The following TRAPPC9 variants were observed in gnomAD, a reference collection of about 807,000 sequenced individuals.
TRAPPC9 encodes trafficking protein particle complex subunit 9.
Under a neutral mutation model 124.0 loss-of-function variants are expected in TRAPPC9, and 83 were observed. The observed-to-expected ratio is 0.67, with a 90% confidence interval of 0.56 to 0.80. TRAPPC9 has a LOEUF of 0.80. TRAPPC9 is among the 30% of genes least tolerant of loss of function. The pLI is 0.00. For missense variants in TRAPPC9, 1,302 were observed against 1,508.3 expected, an observed-to-expected ratio of 0.86 and a Z score of 2.27; for synonymous variants, 638 against 617.5, an observed-to-expected ratio of 1.03 and a Z score of -0.49.
At chr8:140,120,750 TCATTCATCCATC>T (rs967865146) in intron 17 of TRAPPC9, among the ~76,000 whole-genome samples, 1 of 146,282 alleles carries the variant, frequency 6.8e-6, no homozygotes, top group African/African-American at 2.6e-5. Context: ...ATCCATCCAT[TCATTCATCCATC>T]CAACATCCAT....
chr8:140,098,736 T>A (rs901827043), intron 17 of TRAPPC9: 5 of 150,818 alleles, frequency 3.3e-5, no homozygotes, highest in African/African-American at 1.2e-4. Flanking sequence ...ACCAGCTAGG[T>A]CTCAGTGCGC....
At chr8:139,808,198 C>A (rs546410464) in intron 21 of TRAPPC9, among the ~76,000 whole-genome samples, 20 of 152,326 alleles carry the variant, frequency 1.3e-4, no homozygotes, top group African/African-American at 4.8e-4. Flanking sequence ...GTGGCTCACG[C>A]CTATAATCCC....
At chr8:139,843,937 A>AG (rs1222648626) in intron 21 of TRAPPC9, among the ~76,000 whole-genome samples, 1 of 152,254 alleles carries the variant, frequency 6.6e-6, no homozygotes, top group Non-Finnish European at 1.5e-5. Flanking sequence ...TGCGGACTCC[A>AG]GCGCTGGGCC....
intron 19 of TRAPPC9, among the ~76,000 whole-genome samples, chr8:139,946,233 G>A (rs1259863547): frequency 6.6e-6 from 1 of 152,182 alleles, no homozygotes; most frequent in Non-Finnish European, 1.5e-5. Flanking sequence ...CAGGCTTTAT[G>A]CCAGGCAAAC....
intron 17 of TRAPPC9, among the ~76,000 whole-genome samples, chr8:140,033,829 G>A (rs983009373): frequency 6.6e-6 from 1 of 151,810 alleles, no homozygotes; most frequent in Admixed American, 6.6e-5. Flanking sequence ...TTACAGAGGT[G>A]TGCCACCATA....
chr8:139,971,748 T>TATAC (rs1233384141), intron 19 of TRAPPC9, among the ~76,000 whole-genome samples: 1 of 145,964 alleles, frequency 6.9e-6, no homozygotes, highest in Admixed American at 6.8e-5. Context: ...CATATATATA[T>TATAC]ACACACACAC....
intron 8 of TRAPPC9, among the ~76,000 whole-genome samples, chr8:140,363,996 A>T (rs547282872): frequency 6.6e-6 from 1 of 152,202 alleles, no homozygotes; most frequent in Non-Finnish European, 1.5e-5. Flanking sequence ...ATGAAAGAGA[A>T]AAATAAAACA....
chr8:140,192,721 C>T (rs1440411400), intron 17 of TRAPPC9, among the ~76,000 whole-genome samples: 1 of 152,232 alleles, frequency 6.6e-6, no homozygotes, highest in Non-Finnish European at 1.5e-5. Flanking sequence ...ATAAAAACTA[C>T]TAGCCACTAT....
intron 17 of TRAPPC9, among the ~76,000 whole-genome samples, chr8:140,153,552 A>G (rs1409269323): frequency 1.3e-5 from 2 of 152,164 alleles, no homozygotes; most frequent in Non-Finnish European, 2.9e-5. Context: ...CTCCATAGAC[A>G]ATCAATTCGT....
At chr8:140,256,840 C>T (rs771307878) in intron 15 of TRAPPC9, among the ~76,000 whole-genome samples, 1 of 152,174 alleles carries the variant, frequency 6.6e-6, no homozygotes, top group African/African-American at 2.4e-5. Context: ...TGAGGGTTAG[C>T]GGGTTTAAAA....
chr8:139,991,463 A>C (rs1033786489), intron 18 of TRAPPC9, among the ~76,000 whole-genome samples: 3 of 152,188 alleles, frequency 2.0e-5, no homozygotes, highest in African/African-American at 7.2e-5. Context: ...AGACTGCAGC[A>C]GTGGTTTGTG....
chr8:140,306,950 T>C (rs1030581301), intron 10 of TRAPPC9, among the ~76,000 whole-genome samples: 1 of 152,152 alleles, frequency 6.6e-6, no homozygotes, highest in Non-Finnish European at 1.5e-5. Context: ...TGTGTCCTTG[T>C]CTGTTGCCTC....
intron 9 of TRAPPC9, among the ~76,000 whole-genome samples, chr8:140,357,929 C>T (rs892249463): frequency 1.3e-5 from 2 of 152,136 alleles, no homozygotes; most frequent in Non-Finnish European, 2.9e-5. Context: ...GCAGGGGCCC[C>T]GGTCAGAGCA....
chr8:140,418,492 AG>A (rs1232595870), intron 5 of TRAPPC9, among the ~76,000 whole-genome samples: 1 of 151,868 alleles, frequency 6.6e-6, no homozygotes, highest in Admixed American at 6.6e-5. Flanking sequence ...AGGCCAAGGC[AG>A]GTGGACTGAC....
chr8:139,792,832 G>C (rs920189935), intron 21 of TRAPPC9, among the ~76,000 whole-genome samples: 2 of 152,228 alleles, frequency 1.3e-5, no homozygotes, highest in African/African-American at 4.8e-5. Flanking sequence ...TCCTACTCGT[G>C]CAGGGACGAG....
At chr8:140,327,268 G>A (rs2066765142) in intron 9 of TRAPPC9, among the ~76,000 whole-genome samples, 1 of 151,994 alleles carries the variant, frequency 6.6e-6, no homozygotes, top group Non-Finnish European at 1.5e-5. Flanking sequence ...GACAAGACAC[G>A]ACAAGACAAG....
chr8:140,235,741 T>C (rs564832134), intron 16 of TRAPPC9, among the ~76,000 whole-genome samples: 13 of 152,368 alleles, frequency 8.5e-5, no homozygotes, highest in South Asian at 4.1e-4. Flanking sequence ...GCTATGGATC[T>C]ATTAAAGCCA....
At chr8:139,949,065 T>A (rs1458309059) in intron 19 of TRAPPC9, among the ~76,000 whole-genome samples, 1 of 151,564 alleles carries the variant, frequency 6.6e-6, no homozygotes, top group African/African-American at 2.4e-5. Flanking sequence ...ATGGTGAGAC[T>A]CCATCTCAAA....
chr8:140,352,473 G>A (rs554681678), intron 9 of TRAPPC9, among the ~76,000 whole-genome samples: 64 of 152,282 alleles, frequency 4.2e-4, no homozygotes, highest in Non-Finnish European at 4.7e-4. Flanking sequence ...TGCTACTTCC[G>A]CTGAACGAGG....
Sources: gnomAD v4.1 joint callset for allele counts (sites outside exome capture counted in the v4.1 genomes callset) on GRCh38, gnomAD v4.1.1 for gene constraint, MANE v1.5 for transcripts, NCBI Gene and HGNC (gene_info 2026-07-23, HGNC 2026-07-21) for gene names.